The following FBXW7 variants were observed in gnomAD, a reference collection of about 807,000 sequenced individuals.
FBXW7 encodes F-box and WD repeat domain containing 7, also known as F-box/WD repeat-containing protein 7.
FBXW7 carries 11 observed loss-of-function variants against 86.3 expected under a neutral mutation model. That is an observed-to-expected ratio of 0.13 (90% CI 0.08 to 0.21). The LOEUF (loss-of-function observed/expected upper bound fraction) is 0.21. FBXW7 is among the 10% of genes least tolerant of loss of function. FBXW7 has a pLI of 1.00. For synonymous variants in FBXW7, 313 were observed against 297.9 expected (o/e 1.05, Z -0.52); for missense variants, 488 against 847.4 (o/e 0.58, Z 5.27).
chr4:152,343,483 T>C (rs1192099222), intron 6 of FBXW7, among the ~76,000 whole-genome samples: 1 of 152,196 alleles, frequency 6.6e-6, no homozygotes, highest in Non-Finnish European at 1.5e-5. Flanking sequence ...ATGTGTTTTA[T>C]AGAGCGTGAA....
chr4:152,411,346 G>T lies in FBXW7; in HGVS notation c.458C>A (p.Pro153His), dbSNP rs587778350. The T allele has an allele frequency of 6.2e-7, 1 of 1,612,514 alleles. No individual in the cohort carries two copies. The highest frequency in any genetic ancestry group is 8.5e-7 in the Non-Finnish European group (1 of 1,179,262). ...GAATGGGGAGGAGAGTTGGTGAACG[G>T]GCAGGTCCACAATACTACTGGAGTT... ...VTNSSSIVDL[P>H]VHQLSSPFYT... is the part of the protein sequence containing the mutation. The change falls in exon 4 of 14, where the codon CCC becomes CAC. Residue 153 changes from proline (P) to histidine (H), a missense_variant. By Grantham distance (77) the Pro-to-His change is moderately conservative (BLOSUM62 -2). Transcript: ENST00000281708.
intron 2 of FBXW7, among the ~76,000 whole-genome samples, chr4:152,533,911 C>G (rs970493228): frequency 1.3e-5 from 2 of 152,194 alleles, no homozygotes; most frequent in Non-Finnish European, 2.9e-5. Context: ...CAAAGTATCT[C>G]TCAGCAGTGG....
chr4:152,463,009 T>C (rs185830894), intron 2 of FBXW7, among the ~76,000 whole-genome samples: 82 of 151,578 alleles, frequency 5.4e-4, no homozygotes, highest in Middle Eastern at 3.4e-3. Flanking sequence ...TGTTTTTGGC[T>C]GGGTGTGGTG....
chr4:152,382,355 G>A (rs770107190), intron 4 of FBXW7: 1 of 1,550,482 alleles, frequency 6.4e-7, no homozygotes, highest in Non-Finnish European at 8.7e-7. Context: ...CCTCTTGGTT[G>A]ACGAATACTC....
At chr4:152,464,318 G>A (rs966465546) in intron 2 of FBXW7, among the ~76,000 whole-genome samples, 2 of 151,978 alleles carry the variant, frequency 1.3e-5, no homozygotes, top group East Asian at 1.9e-4. Context: ...AGCATTAAGA[G>A]GAAGAAAAAT....
chr4:152,418,383 A>G (rs1168994468), intron 2 of FBXW7, among the ~76,000 whole-genome samples: 1 of 152,192 alleles, frequency 6.6e-6, no homozygotes, highest in Non-Finnish European at 1.5e-5. Context: ...AAGGAAAATG[A>G]GCTTTTGAAA....
At chr4:152,517,173 GT>G (rs1416843882) in intron 2 of FBXW7, among the ~76,000 whole-genome samples, 1 of 152,016 alleles carries the variant, frequency 6.6e-6, no homozygotes, top group Non-Finnish European at 1.5e-5. Context: ...CCCAATCTTG[GT>G]CTTTATCCAT....
At chr4:152,484,460 T>C (rs1286262452) in intron 2 of FBXW7, among the ~76,000 whole-genome samples, 1 of 152,130 alleles carries the variant, frequency 6.6e-6, no homozygotes, top group East Asian at 1.9e-4. Context: ...CACCATTTTT[T>C]ATAATTACTT....
At chr4:152,499,714 A>T (rs1239139758) in intron 2 of FBXW7, among the ~76,000 whole-genome samples, 1 of 152,004 alleles carries the variant, frequency 6.6e-6, no homozygotes, top group Non-Finnish European at 1.5e-5. Context: ...TGCCCAAAAC[A>T]CAAAAGTTAA....
intron 2 of FBXW7, among the ~76,000 whole-genome samples, chr4:152,532,367 T>A (rs998831932): frequency 6.6e-6 from 1 of 152,254 alleles, no homozygotes; most frequent in Non-Finnish European, 1.5e-5. Context: ...AATCCAGGCA[T>A]ACAGCTTTTA....
intron 2 of FBXW7, among the ~76,000 whole-genome samples, chr4:152,483,460 T>C (rs144236308): frequency 0.041 from 6,155 of 151,538 alleles, 185 homozygotes; most frequent in Middle Eastern, 0.084. Flanking sequence ...TCCCAGCTCT[T>C]TGGGAGGCTG....
intron 2 of FBXW7, among the ~76,000 whole-genome samples, chr4:152,447,203 C>T (rs1741481714): frequency 6.6e-6 from 1 of 152,116 alleles, no homozygotes; most frequent in Admixed American, 6.6e-5. Flanking sequence ...CAATTTTATG[C>T]CCCGTTTCTA....
intron 4 of FBXW7, among the ~76,000 whole-genome samples, chr4:152,396,324 CAACT>C (rs1355727239): frequency 6.6e-6 from 1 of 151,920 alleles, no homozygotes; most frequent in African/African-American, 2.4e-5. Context: ...AAATGTAATG[CAACT>C]AACAATGAAT....
At chr4:152,333,019 TA>T (rs1309892223) in intron 7 of FBXW7, among the ~76,000 whole-genome samples, 2 of 151,854 alleles carry the variant, frequency 1.3e-5, no homozygotes, top group East Asian at 3.9e-4. Flanking sequence ...CTCAATTTTT[TA>T]AAAAAAATGT....
chr4:152,472,095 T>TA (rs1425095209), intron 2 of FBXW7, among the ~76,000 whole-genome samples: 1 of 151,980 alleles, frequency 6.6e-6, no homozygotes, highest in East Asian at 1.9e-4. Context: ...CACAAAGACA[T>TA]ACTACTACCC....
At position 152,322,982 on chromosome 4, in the gene FBXW7, T is replaced by C. The variant is rs1446303596; in HGVS notation, c.2023A>G (p.Ile675Val). Reference sequence around the variant, plus strand: ...ACCAGCTTTGTGTTTGAGGCTCTGATCCGCCACACAACTCCCCCACTCCCC... The same window carrying C: ...ACCAGCTTTGTGTTTGAGGCTCTGACCCGCCACACAACTCCCCCACTCCCC... ...SGGSGGVVWR[I>V]RASNTKLVCA... Residue 675 changes from isoleucine to valine, a missense_variant, in exon 14 of 14, where the codon ATC becomes GTC. This residue lies in a region of FBXW7 where 142 missense variants were observed against 406.6 expected (regional missense o/e 0.35). Transcript: ENST00000281708. 3.7e-6 allele frequency: 6 copies of C among 1,613,630 alleles called. No homozygotes were observed. The Admixed American group carries it at 1.0e-4, about 27-fold the overall frequency.
At chr4:152,328,435 T>C in intron 10 of FBXW7, 46 bp from the exon 11 acceptor site, 2 of 1,290,514 alleles carry the variant, frequency 1.5e-6, no homozygotes, top group African/African-American at 1.5e-5. Flanking sequence ...AAAGGAAAAG[T>C]GATTTAAATA....
Position 152,411,891 on chromosome 4 carries a change from T to C in FBXW7, c.-69-19A>G. ...TCACATTCTGCAGGGGAAAATAGGGTAAAAAACAAGATTTGTACAATCTAT... is the reference window on the plus strand; with the variant it reads ...TCACATTCTGCAGGGGAAAATAGGGCAAAAAACAAGATTTGTACAATCTAT... On this transcript the variant is annotated intron_variant, in intron 3 of 13. Transcript: ENST00000281708. The C allele has an allele frequency of 6.9e-7, 1 of 1,451,572 alleles. No homozygotes were observed. Among genetic ancestry groups the C allele is most frequent in the Non-Finnish European group, 9.1e-7 (1 of 1,102,822 alleles). 89.9% of individuals were successfully genotyped at this position (1,451,572 alleles called of 1,614,324 possible).
intron 2 of FBXW7, among the ~76,000 whole-genome samples, chr4:152,458,311 G>T (rs886544375): frequency 1.3e-5 from 2 of 152,110 alleles, no homozygotes; most frequent in African/African-American, 4.8e-5. Flanking sequence ...GAGCCACCGC[G>T]CCCGGCCTAA....
Sources: allele counts gnomAD v4.1 joint callset (sites outside exome capture counted in the v4.1 genomes callset), GRCh38; gene constraint gnomAD v4.1.1; regional missense constraint gnomAD v4.1.1; transcripts MANE v1.5; gene names NCBI Gene and HGNC (gene_info 2026-07-23, HGNC 2026-07-21).